CAMK2D: variants seen among roughly 807,000 people sequenced by gnomAD.
CAMK2D encodes the protein calcium/calmodulin dependent protein kinase II delta.
CAMK2D carries 37 observed loss-of-function variants against 84.0 expected under a neutral mutation model. The ratio of observed to expected loss-of-function variants is 0.44; its 90% CI spans 0.34 to 0.58. The LOEUF is 0.58. Among genes scored for constraint, CAMK2D ranks in the 20% least tolerant of loss-of-function variants. The pLI, the probability that CAMK2D is intolerant of heterozygous loss-of-function variation, is 0.02. For synonymous variants in CAMK2D, 202 were observed against 212.5 expected, an observed-to-expected ratio of 0.95 and a Z score of 0.43; for missense variants, 448 against 652.5, an observed-to-expected ratio of 0.69 and a Z score of 3.41.
intron 3 of CAMK2D, among the ~76,000 whole-genome samples, chr4:113,629,394 G>A (rs371542043): frequency 6.6e-6 from 1 of 151,740 alleles, no homozygotes; most frequent in South Asian, 2.1e-4. Flanking sequence ...CTGACAAAAG[G>A]TAAATTTCTG....
intron 5 of CAMK2D, chr4:113,548,579 A>C (rs1292033952): frequency 2.9e-6 from 2 of 695,004 alleles, no homozygotes; most frequent in African/African-American, 3.7e-5. Flanking sequence ...AACCATTTTA[A>C]ATACCCACCC....
At chr4:113,695,910 T>C (rs2099401258) in intron 2 of CAMK2D, among the ~76,000 whole-genome samples, 1 of 152,066 alleles carries the variant, frequency 6.6e-6, no homozygotes, top group Non-Finnish European at 1.5e-5. Context: ...GTATGAGCTG[T>C]GCCCCTGCCC....
In CAMK2D at chr4:113,713,472, TAAC is replaced by T. The variant is rs931088145; in HGVS notation, c.160+45845_160+45847del. Among the ~76,000 whole-genome samples the T allele has an allele frequency of 1.3e-3, 195 of 148,264 alleles. 1 individual carries two copies. The highest frequency in any genetic ancestry group is 4.4e-3 in the African/African-American group (180 of 40,894). On this transcript the variant is annotated intron_variant, in intron 2 of 20. Transcript: ENST00000511664. Reference sequence around the variant, plus strand: ...ATAGTTTGCATTATTATATGTAATATAACAACATTATTATATATAATATGATAA... The same window carrying T: ...ATAGTTTGCATTATTATATGTAATATAACATTATTATATATAATATGATAA...
At chr4:113,693,714 T>C (rs1481332121) in intron 2 of CAMK2D, among the ~76,000 whole-genome samples, 1 of 152,208 alleles carries the variant, frequency 6.6e-6, no homozygotes. Flanking sequence ...CAGATATGGC[T>C]ATCACCAAAC....
At chr4:113,698,105 T>A (rs2099408203) in intron 2 of CAMK2D, among the ~76,000 whole-genome samples, 1 of 152,236 alleles carries the variant, frequency 6.6e-6, no homozygotes, top group African/African-American at 2.4e-5. Context: ...ACACTTTCAT[T>A]AGCCTACATC....
At chr4:113,536,859 G>A (rs1176863673) in intron 7 of CAMK2D, among the ~76,000 whole-genome samples, 4 of 152,112 alleles carry the variant, frequency 2.6e-5, no homozygotes, top group African/African-American at 9.7e-5. Context: ...TAACTAAGGT[G>A]AAATATACAC....
intron 2 of CAMK2D, among the ~76,000 whole-genome samples, chr4:113,709,660 T>G (rs956296156): frequency 2.0e-5 from 3 of 148,236 alleles, no homozygotes; most frequent in Admixed American, 6.8e-5. Flanking sequence ...ATAAGGTAAC[T>G]ATATGAATAA....
chr4:113,504,949 G>A, intron 14 of CAMK2D, 27 bp downstream of exon 14: 1 of 1,354,220 alleles, frequency 7.4e-7, no homozygotes, highest in East Asian at 2.6e-5. Flanking sequence ...AAGAACTTAA[G>A]AAGGGTTACA....
intron 3 of CAMK2D, among the ~76,000 whole-genome samples, chr4:113,624,090 G>A (rs967915474): frequency 1.2e-4 from 18 of 152,040 alleles, no homozygotes; most frequent in African/African-American, 3.9e-4. Context: ...CACAGTTCAT[G>A]GCTCAATGGA....
intron 6 of CAMK2D, among the ~76,000 whole-genome samples, chr4:113,538,054 T>C (rs2154188322): frequency 6.6e-6 from 1 of 152,316 alleles, no homozygotes; most frequent in South Asian, 2.1e-4. Flanking sequence ...AGTATACTAC[T>C]ATTTGCCAAA....
intron 2 of CAMK2D, among the ~76,000 whole-genome samples, chr4:113,673,106 T>C (rs915983812): frequency 2.0e-5 from 3 of 152,132 alleles, no homozygotes; most frequent in Non-Finnish European, 4.4e-5. Context: ...CTACTCAGGA[T>C]AGAGTGGTTA....
intron 16 of CAMK2D, 29 bp downstream of exon 16, chr4:113,500,434 A>G (rs1178813663): frequency 6.9e-7 from 1 of 1,451,388 alleles, no homozygotes; most frequent in Non-Finnish European, 9.6e-7. Flanking sequence ...GCTCTGAGGT[A>G]GGATTTTCCA....
intron 6 of CAMK2D, among the ~76,000 whole-genome samples, chr4:113,545,172 G>A (rs2154194154): frequency 6.6e-6 from 1 of 152,266 alleles, no homozygotes; most frequent in South Asian, 2.1e-4. Context: ...GAAGGAATAT[G>A]CTGCAGGTAT....
At chr4:113,681,423 G>A (rs1176101215) in intron 2 of CAMK2D, among the ~76,000 whole-genome samples, 2 of 152,166 alleles carry the variant, frequency 1.3e-5, no homozygotes, top group Non-Finnish European at 2.9e-5. Flanking sequence ...AGAAGGATGT[G>A]TTTGCTTCCC....
At chr4:113,557,025 G>T (rs890696177) in intron 4 of CAMK2D, among the ~76,000 whole-genome samples, 2 of 152,096 alleles carry the variant, frequency 1.3e-5, no homozygotes, top group African/African-American at 4.8e-5. Context: ...TCAGGGTGAA[G>T]AGGCCCAACC....
chr4:113,491,893 T>C (rs978788176), intron 16 of CAMK2D, among the ~76,000 whole-genome samples: 2 of 152,156 alleles, frequency 1.3e-5, no homozygotes, highest in African/African-American at 4.8e-5. Flanking sequence ...TCCAGGAATT[T>C]ATCCATTTCT....
At chr4:113,484,841 A>G (rs2097749943) in intron 16 of CAMK2D, among the ~76,000 whole-genome samples, 1 of 152,198 alleles carries the variant, frequency 6.6e-6, no homozygotes, top group African/African-American at 2.4e-5. Context: ...GGAGCAAAAG[A>G]TGATTCCTGC....
chr4:113,616,958 G>C (rs1400991723), intron 3 of CAMK2D, among the ~76,000 whole-genome samples: 1 of 152,044 alleles, frequency 6.6e-6, no homozygotes, highest in African/African-American at 2.4e-5. Context: ...TCTTGGAAAA[G>C]TTGATACTCA....
At chr4:113,456,240 G>A (rs2097302104) in intron 19 of CAMK2D, among the ~76,000 whole-genome samples, 1 of 152,146 alleles carries the variant, frequency 6.6e-6, no homozygotes, top group South Asian at 2.1e-4. Flanking sequence ...TCTGGAGTGA[G>A]TTGAATGGCT....
Sources: gnomAD v4.1 joint callset for allele counts (sites outside exome capture counted in the v4.1 genomes callset) on GRCh38, gnomAD v4.1.1 for gene constraint, MANE v1.5 for transcripts, NCBI Gene and HGNC (gene_info 2026-07-23, HGNC 2026-07-21) for gene names.